Variants in PYY observed in about 807,000 individuals in gnomAD.
PYY encodes the protein peptide tyrosine tyrosine.
A neutral mutation model predicts 10.3 loss-of-function variants in PYY; 12 were observed. The ratio of observed to expected loss-of-function variants is 1.17; its 90% CI spans 0.75 to 1.89. The LOEUF (loss-of-function observed/expected upper bound fraction) is 1.89, where lower values mean the gene tolerates loss of function less well. PYY is among the 40% of genes most tolerant of loss of function. The pLI, the probability that PYY is intolerant of heterozygous loss-of-function variation, is 0.00. For synonymous variants in PYY, 66 were observed against 62.0 expected (o/e 1.06, Z -0.30); for missense variants, 141 against 134.0 (o/e 1.05, Z -0.26).
At chr17:43,980,310 T>C (rs1169417954) in intron 1 of PYY, among the ~76,000 whole-genome samples, 1 of 151,540 alleles carries the variant, frequency 6.6e-6, no homozygotes, top group Non-Finnish European at 1.5e-5. Flanking sequence ...ATTACAGGCA[T>C]GCGCCACCAT....
At chr17:43,997,173 G>A (rs1351243374) in intron 1 of PYY, among the ~76,000 whole-genome samples, 1 of 151,910 alleles carries the variant, frequency 6.6e-6, no homozygotes, top group Non-Finnish European at 1.5e-5. Flanking sequence ...TGAGTAGCTG[G>A]GATTACAGGC....
At chr17:43,990,043 A>AAAAT (rs2048946110) in intron 1 of PYY, among the ~76,000 whole-genome samples, 2 of 151,672 alleles carry the variant, frequency 1.3e-5, no homozygotes, top group African/African-American at 4.8e-5. Flanking sequence ...TAAGATTTCC[A>AAAAT]AAATAAATTA....
At chr17:43,957,992 G>C (rs62080323), upstream of PYY, 11,089 of 154,576 alleles carry the variant, frequency 0.072, 519 homozygotes, top group Non-Finnish European at 0.1. Flanking sequence ...GCGCGCCCAA[G>C]GCTCAGGCTT....
intron 2 of PYY, among the ~76,000 whole-genome samples, chr17:43,963,626 G>GAAAGAA (rs3080254): frequency 0.14 from 11,630 of 81,810 alleles, 904 homozygotes; most frequent in South Asian, 0.19. Context: ...AAGAAAGAAA[G>GAAAGAA]AGAAAGAAAG....
At chr17:43,976,214 T>TATGTACAC (rs2048838819) in intron 1 of PYY, among the ~76,000 whole-genome samples, 2 of 143,660 alleles carry the variant, frequency 1.4e-5, no homozygotes, top group Non-Finnish European at 3.0e-5. Context: ...CATATACGTA[T>TATGTACAC]ATGTATACAT....
upstream of PYY, among the ~76,000 whole-genome samples, chr17:43,957,531 G>A (rs967787754): frequency 3.9e-5 from 6 of 151,932 alleles, no homozygotes; most frequent in South Asian, 2.1e-4. Context: ...AGTGGCGGGC[G>A]CCTGTAATCC....
At chr17:43,969,966 A>G (rs1031768230) in intron 1 of PYY, among the ~76,000 whole-genome samples, 2 of 150,650 alleles carry the variant, frequency 1.3e-5, no homozygotes, top group African/African-American at 4.9e-5. Context: ...ATGGTCTTGA[A>G]CTCCTGACCT....
At chr17:43,975,589 C>T (rs928415240) in intron 1 of PYY, among the ~76,000 whole-genome samples, 103 of 151,360 alleles carry the variant, frequency 6.8e-4, no homozygotes, top group African/African-American at 2.4e-3. Flanking sequence ...TATTGTAGCA[C>T]GTGCCTGTTG....
intron 1 of PYY, among the ~76,000 whole-genome samples, chr17:43,969,515 C>CAAAAA (rs71361552): frequency 1.5e-4 from 14 of 90,424 alleles, no homozygotes; most frequent in Admixed American, 2.7e-4. Flanking sequence ...GACTCTGTCT[C>CAAAAA]AAAAAAAAAA....
chr17:43,996,390 G>A (rs919014403), intron 1 of PYY, among the ~76,000 whole-genome samples: 6 of 152,144 alleles, frequency 3.9e-5, no homozygotes, highest in African/African-American at 1.4e-4. Flanking sequence ...GAACCACCAG[G>A]TAAGCCCTTC....
chr17:43,997,286 GC>G (rs1221715717), intron 1 of PYY, among the ~76,000 whole-genome samples: 1 of 151,996 alleles, frequency 6.6e-6, no homozygotes, highest in African/African-American at 2.4e-5. Context: ...TGATCCACCC[GC>G]CTTGGCCTCC....
At position 43,987,625 on chromosome 17, in the gene PYY, G is replaced by C. The variant is rs376956214; in HGVS notation, c.-463+16766C>G. Among the ~76,000 whole-genome samples, 2 of 152,220 alleles carry C rather than the reference G, an allele frequency of 1.3e-5. No individual in the cohort carries two copies. Among genetic ancestry groups the C allele is most frequent in the East Asian group, 3.8e-4 (2 of 5,198 alleles). ...CCAGCTTCCCACATGCCACACCCCT[G>C]TGGGGCTGGCATGAAGAGGCCATTT... is the stretch of plus-strand genomic sequence containing the variant. On this transcript the variant is annotated intron_variant, in intron 1 of 6. Coordinates refer to the PYY transcript ENST00000360085. This position sits in a 1 kb window ranked among gnomAD's most constrained non-coding sequence, Gnocchi z 4.0.
intron 1 of PYY, among the ~76,000 whole-genome samples, chr17:43,972,981 G>C (rs375650079): frequency 1.3e-5 from 2 of 152,020 alleles, no homozygotes; most frequent in Non-Finnish European, 2.9e-5. Flanking sequence ...CCAAAGTGCC[G>C]GGATTACAGG....
In PYY at chr17:43,976,381, A is replaced by T. The variant is rs528362957; in HGVS notation, c.-462-9849T>A. On this transcript the variant is annotated intron_variant, in intron 1 of 6. Coordinates refer to the PYY transcript ENST00000360085. ...TGTATACATATACGTATATACACAT[A>T]CATGTATACATATACGTATATACAT... Among the ~76,000 whole-genome samples the T allele has an allele frequency of 1.8e-3, 264 of 150,160 alleles. 4 individuals are homozygous for T. The highest frequency in any genetic ancestry group is 5.9e-3 in the African/African-American group (238 of 40,672).
At position 43,987,443 on chromosome 17, in the gene PYY, G is replaced by C. The variant is rs1459202722; in HGVS notation, c.-463+16948C>G. Among the ~76,000 whole-genome samples the C allele has an allele frequency of 6.6e-6, 1 of 152,200 alleles. No homozygotes were observed. The highest frequency in any genetic ancestry group is 2.4e-5 in the African/African-American group (1 of 41,456). On this transcript the variant is annotated intron_variant, in intron 1 of 6. Transcript: ENST00000360085. This position sits in a 1 kb window ranked among gnomAD's most constrained non-coding sequence, Gnocchi z 4.0. ...CTACAAAAGGCATCTGGGCAGGGGA[G>C]ACTCCCAGCCTCTCAGCCTCCCTGC...
intron 1 of PYY, among the ~76,000 whole-genome samples, chr17:43,997,851 T>C (rs1326562997): frequency 6.6e-6 from 1 of 151,994 alleles, no homozygotes; most frequent in African/African-American, 2.4e-5. Context: ...AAACATTGGA[T>C]ATTGGATATA....
chr17:44,000,567 CTTTTTT>C, intron 1 of PYY, among the ~76,000 whole-genome samples: 1 of 127,988 alleles, frequency 7.8e-6, no homozygotes, highest in South Asian at 2.6e-4. Flanking sequence ...TAAGTGTGCA[CTTTTTT>C]TTTTTTTTTT....
At chr17:43,986,672 A>G (rs2048917746) in intron 1 of PYY, among the ~76,000 whole-genome samples, 1 of 152,206 alleles carries the variant, frequency 6.6e-6, no homozygotes. Flanking sequence ...TATTGGGGAA[A>G]AAAACACAGA....
intron 1 of PYY, among the ~76,000 whole-genome samples, chr17:43,976,248 CAT>C (rs1302315498): frequency 7.3e-5 from 10 of 136,580 alleles, no homozygotes; most frequent in Non-Finnish European, 1.1e-4. Flanking sequence ...TATATATACA[CAT>C]ATGTATACAT....
Sources: gnomAD v4.1 joint callset for allele counts (sites outside exome capture counted in the v4.1 genomes callset) on GRCh38, gnomAD v4.1.1 for gene constraint, Gnocchi (gnomAD v3.1) non-coding constraint, MANE v1.5 for transcripts, NCBI Gene and HGNC (gene_info 2026-07-23, HGNC 2026-07-21) for gene names.